SPATA13: variants seen among roughly 807,000 people sequenced by gnomAD.
The protein encoded by SPATA13 is spermatogenesis-associated protein 13.
A neutral mutation model predicts 104.0 loss-of-function variants in SPATA13; 50 were observed. That is an observed-to-expected ratio of 0.48 (90% confidence interval 0.38 to 0.61). The LOEUF is 0.61. Among genes scored for constraint, SPATA13 ranks in the 20% least tolerant of loss-of-function variants. The pLI is 0.00. For synonymous variants in SPATA13, 606 were observed against 667.5 expected, an observed-to-expected ratio of 0.91 and a Z score of 1.42; for missense variants, 1,524 against 1,690.6, an observed-to-expected ratio of 0.90 and a Z score of 1.73.
chr13:24,000,773 C>T (rs887679495), intron 2 of SPATA13, among the ~76,000 whole-genome samples: 6 of 151,590 alleles, frequency 4.0e-5, no homozygotes, highest in African/African-American at 1.2e-4. Flanking sequence ...CTGGGCTAGA[C>T]ATTTGAATTC....
intron 2 of SPATA13, among the ~76,000 whole-genome samples, chr13:24,228,592 A>G (rs1872085022): frequency 6.6e-6 from 1 of 152,252 alleles, no homozygotes; most frequent in Admixed American, 6.5e-5. Context: ...ACTAAGGGAA[A>G]CAAACAGGAA....
intron 3 of SPATA13, among the ~76,000 whole-genome samples, chr13:24,111,240 G>T (rs1395804669): frequency 6.6e-6 from 1 of 151,872 alleles, no homozygotes; most frequent in Non-Finnish European, 1.5e-5. Flanking sequence ...AATAATAAAA[G>T]AGGCTAGTGA....
intron 2 of SPATA13, among the ~76,000 whole-genome samples, chr13:24,245,788 T>C (rs1274888260): frequency 6.6e-6 from 1 of 151,876 alleles, no homozygotes; most frequent in Non-Finnish European, 1.5e-5. Context: ...GAAGTTTCAC[T>C]GTGTTGCCCA....
chr13:24,177,184 A>G (rs1868486888), intron 1 of SPATA13, among the ~76,000 whole-genome samples: 1 of 152,222 alleles, frequency 6.6e-6, no homozygotes, highest in African/African-American at 2.4e-5. Flanking sequence ...AGTGGACACA[A>G]ACGTTGCTTT....
chr13:23,981,272 A>G (rs549377569), intron 1 of SPATA13, among the ~76,000 whole-genome samples: 3 of 108,624 alleles, frequency 2.8e-5, no homozygotes, highest in South Asian at 3.2e-4. Flanking sequence ...ATACCATAGG[A>G]AAAAAAAAAT....
At position 24,088,310 on chromosome 13, in the gene SPATA13, G is replaced by A. The variant is rs753433389; in HGVS notation, c.-112+70609G>A. 4.6e-5 allele frequency among the ~76,000 whole-genome samples: 7 copies of A among 152,154 alleles called. No individual in the cohort carries two copies. The highest frequency in any genetic ancestry group is 7.4e-5 in the Non-Finnish European group (5 of 68,026). On this transcript the variant is annotated intron_variant, in intron 3 of 14. Coordinates refer to the SPATA13 transcript ENST00000424834. This position sits in a 1 kb window ranked among gnomAD's most constrained non-coding sequence, Gnocchi z 4.3. ...CAGAGCGGTAAGGAATTGGCCCGCA[G>A]TCACATGACTATTAAAGCATCTGAA...
At chr13:24,028,040 TG>T (rs1877314841) in intron 3 of SPATA13, among the ~76,000 whole-genome samples, 2 of 152,370 alleles carry the variant, frequency 1.3e-5, no homozygotes, top group Non-Finnish European at 2.9e-5. Flanking sequence ...TAAATTTAGA[TG>T]TTTTTATAAT....
intron 10 of SPATA13, among the ~76,000 whole-genome samples, chr13:24,296,018 G>A (rs1876758639): frequency 6.6e-6 from 1 of 152,172 alleles, no homozygotes; most frequent in South Asian, 2.1e-4. Flanking sequence ...ATGCCATTCA[G>A]ATTGTTTTTA....
At chr13:24,271,601 C>T (rs778405483) in intron 4 of SPATA13, among the ~76,000 whole-genome samples, 1 of 152,152 alleles carries the variant, frequency 6.6e-6, no homozygotes, top group South Asian at 2.1e-4. Context: ...CACTAGGAAG[C>T]CATAAACTCT....
rs560001150 is a variant in SPATA13 at position 24,144,816 on chromosome 13, T to A, written c.-111-78003T>A. 2.1e-3 allele frequency among the ~76,000 whole-genome samples: 318 copies of A among 152,286 alleles called. 2 individuals carry two copies. The highest frequency in any genetic ancestry group is 7.4e-3 in the African/African-American group (307 of 41,550). On this transcript the variant is annotated intron_variant, in intron 3 of 14. Coordinates refer to the SPATA13 transcript ENST00000424834. ...CGTGCAGTACGGTATGCTGAGCAAATCCTTGCACCCTCCTGGCCATCCACC... is the reference window on the plus strand; with the variant it reads ...CGTGCAGTACGGTATGCTGAGCAAAACCTTGCACCCTCCTGGCCATCCACC...
chr13:24,035,441 C>T (rs1290014395), intron 3 of SPATA13, among the ~76,000 whole-genome samples: 1 of 152,206 alleles, frequency 6.6e-6, no homozygotes, highest in Admixed American at 6.5e-5. Context: ...GTGTGAACCA[C>T]TGTGCCTGGC....
intron 1 of SPATA13, among the ~76,000 whole-genome samples, chr13:24,197,850 T>G (rs1870154463): frequency 6.6e-6 from 1 of 152,112 alleles, no homozygotes; most frequent in Admixed American, 6.5e-5. Flanking sequence ...GTTCCCTGGC[T>G]CTCTCAGTGG....
chr13:24,294,080 G>T (rs1204953687), intron 9 of SPATA13, among the ~76,000 whole-genome samples: 2 of 152,232 alleles, frequency 1.3e-5, no homozygotes, highest in African/African-American at 4.8e-5. Context: ...TAGCCTGTGT[G>T]TAGATTAAAA....
intron 2 of SPATA13, among the ~76,000 whole-genome samples, chr13:24,001,639 C>G (rs147827608): frequency 1.0e-3 from 155 of 152,082 alleles, no homozygotes; most frequent in African/African-American, 3.6e-3. Flanking sequence ...GGGCACCACA[C>G]TCATCCCAGT....
chr13:24,028,156 G>T (rs916805350), intron 3 of SPATA13, among the ~76,000 whole-genome samples: 1 of 152,072 alleles, frequency 6.6e-6, no homozygotes, highest in African/African-American at 2.4e-5. Flanking sequence ...AAATCCACAA[G>T]TTACCCTATT....
chr13:24,290,906 C>T (rs1294596684), intron 9 of SPATA13, 22 bp downstream of exon 9: 5 of 1,593,720 alleles, frequency 3.1e-6, no homozygotes, highest in Non-Finnish European at 4.3e-6. Flanking sequence ...GGGTAAGGGG[C>T]ACAGGTGAGA....
chr13:24,275,926 C>G (rs1874952266), intron 4 of SPATA13, among the ~76,000 whole-genome samples: 1 of 152,204 alleles, frequency 6.6e-6, no homozygotes, highest in South Asian at 2.1e-4. Context: ...AGAGCAAGAC[C>G]TTGTCCCTCA....
chr13:24,277,001 A>G (rs1875035705), intron 4 of SPATA13, among the ~76,000 whole-genome samples: 1 of 152,238 alleles, frequency 6.6e-6, no homozygotes, highest in Non-Finnish European at 1.5e-5. Context: ...CAATTGAACA[A>G]TGTCTACTGA....
At chr13:24,040,812 G>A (rs942876) in intron 3 of SPATA13, among the ~76,000 whole-genome samples, 55,517 of 151,964 alleles carry the variant, frequency 0.37, 10,356 homozygotes, top group Admixed American at 0.45. Flanking sequence ...GTTTGCTGTC[G>A]TTCCTTTATA....
Sources: allele counts gnomAD v4.1 joint callset (sites outside exome capture counted in the v4.1 genomes callset), GRCh38; gene constraint gnomAD v4.1.1; non-coding constraint Gnocchi (gnomAD v3.1); transcripts MANE v1.5; gene names NCBI Gene and HGNC (gene_info 2026-07-23, HGNC 2026-07-21).